ZDHHC11B: variants seen among roughly 807,000 people sequenced by gnomAD.
The protein encoded by ZDHHC11B is probable palmitoyltransferase ZDHHC11B.
A neutral mutation model predicts 42.3 loss-of-function variants in ZDHHC11B; 17 were observed. The observed-to-expected ratio is 0.40, with a 90% CI of 0.27 to 0.60. The LOEUF is 0.60. Ranked by LOEUF, ZDHHC11B falls within the 20% of genes least tolerant of loss-of-function variation. ZDHHC11B has a pLI of 0.41. For synonymous variants in ZDHHC11B, 123 were observed against 193.5 expected (o/e 0.64, Z 3.02); for missense variants, 262 against 463.2 (o/e 0.57, Z 3.99).
rs370153562 is a variant in ZDHHC11B at position 746,209 on chromosome 5, G to A, written c.785-911C>T. Among the ~76,000 whole-genome samples, 32 of 146,936 alleles carry A rather than the reference G, an allele frequency of 2.2e-4. 2 individuals carry two copies. Among genetic ancestry groups the A allele is most frequent in the East Asian group, 1.1e-3 (5 of 4,502 alleles). On this transcript the variant is annotated intron_variant, in intron 8 of 13. Coordinates refer to ENST00000508859, the MANE Select transcript of ZDHHC11B (RefSeq NM_001351303.2). ...CCTAAACACCAACACCGTGAGAGCC[G>A]ATGTCTTGTGACTATTTCTGGAGAC...
intron 1 of ZDHHC11B, among the ~76,000 whole-genome samples, chr5:773,200 GC>G (rs1736199072): frequency 1.3e-5 from 2 of 151,900 alleles, no homozygotes; most frequent in African/African-American, 4.8e-5. Flanking sequence ...CTACCTTGGC[GC>G]TCTCCACCGA....
At chr5:754,568 C>G (rs1405891989) in intron 6 of ZDHHC11B, among the ~76,000 whole-genome samples, 8 of 129,784 alleles carry the variant, frequency 6.2e-5, no homozygotes, top group East Asian at 3.3e-4. Context: ...TCAGGGGAAA[C>G]ACCTCTCATC....
Position 728,137 on chromosome 5 carries a change from A to G in ZDHHC11B, c.1058+2297T>C, listed in dbSNP as rs570179409. Among the ~76,000 whole-genome samples, 3 of 151,944 alleles carry G rather than the reference A, an allele frequency of 2.0e-5. No homozygotes were observed. In the East Asian group the frequency reaches 5.8e-4, roughly 29 times the overall value. ...GCTAATTCATACAAGAGGAACTGTG[A>G]AACAGTAAAAAAGAGAATGACAATG... is the stretch of plus-strand genomic sequence containing the variant. On this transcript the variant is annotated intron_variant, in intron 12 of 13. Transcript: ENST00000508859.
rs1196291160 is a variant in ZDHHC11B at position 777,988 on chromosome 5, C to T, written c.-230+6680G>A. ...CCCAGCAGGGAGGCGGCTGAGGCCC[C>T]GCGAGAATTTGAGCATGGCGCAGGC... On this transcript the variant is annotated intron_variant, in intron 1 of 13. Transcript: ENST00000508859. Among the ~76,000 whole-genome samples the T allele has an allele frequency of 2.6e-5, 4 of 151,994 alleles. No homozygotes were observed. The East Asian group carries it at 5.8e-4, about 22-fold the overall frequency.
chr5:716,377 A>G (rs528154147), intron 13 of ZDHHC11B, among the ~76,000 whole-genome samples: 14 of 151,852 alleles, frequency 9.2e-5, no homozygotes, highest in African/African-American at 3.4e-4. Context: ...ACTGCATTCT[A>G]TGGATCGTCC....
chr5:731,898 T>C (rs1377825905), intron 11 of ZDHHC11B: 1 of 152,334 alleles, frequency 6.6e-6, no homozygotes, highest in African/African-American at 2.4e-5. Flanking sequence ...GTGTTTGGCA[T>C]GTGGTTATGC....
intron 4 of ZDHHC11B, among the ~76,000 whole-genome samples, chr5:762,918 TGAA>T (rs1341138151): frequency 6.6e-6 from 1 of 151,488 alleles, no homozygotes; most frequent in Non-Finnish European, 1.5e-5. Context: ...GGAAGACTGA[TGAA>T]GAAGAGGTAG....
chr5:722,241 T>A (rs1320368101), intron 12 of ZDHHC11B, among the ~76,000 whole-genome samples: 10 of 151,880 alleles, frequency 6.6e-5, no homozygotes, highest in Non-Finnish European at 8.8e-5. Flanking sequence ...GTTTCTAGAA[T>A]GGTATATTAA....
At chr5:738,864 G>C (rs1160376440) in intron 10 of ZDHHC11B, among the ~76,000 whole-genome samples, 1 of 150,848 alleles carries the variant, frequency 6.6e-6, no homozygotes, top group Non-Finnish European at 1.5e-5. Context: ...TCTAGGCATT[G>C]ACTTCAGCAA....
chr5:783,538 C>T (rs1254563391), intron 1 of ZDHHC11B, among the ~76,000 whole-genome samples: 3 of 152,248 alleles, frequency 2.0e-5, no homozygotes, highest in Non-Finnish European at 2.9e-5. Context: ...CCCCCAGGGG[C>T]CCTGCACGCA....
chr5:777,880 G>C (rs985982408), intron 1 of ZDHHC11B, among the ~76,000 whole-genome samples: 2 of 151,522 alleles, frequency 1.3e-5, no homozygotes, highest in African/African-American at 4.9e-5. Flanking sequence ...GCGCCCTTCC[G>C]GGAGGCCCCA....
intron 12 of ZDHHC11B, among the ~76,000 whole-genome samples, chr5:719,979 C>T (rs1174559826): frequency 1.3e-5 from 2 of 151,704 alleles, no homozygotes; most frequent in Non-Finnish European, 2.9e-5. Context: ...ACACTATCTG[C>T]CCATTAATGT....
Position 764,375 on chromosome 5 carries a change from G to A in ZDHHC11B, c.222+2323C>T, listed in dbSNP as rs551036878. On this transcript the variant is annotated intron_variant, in intron 4 of 13. Transcript: ENST00000508859. ...CAGAGCCGGCTCCCTCGGCTTGTGG[G>A]GAGGTATGAAGGGAGAGGCACAGGC... Among the ~76,000 whole-genome samples the A allele has an allele frequency of 3.3e-4, 50 of 149,944 alleles. No individual in the cohort carries two copies. The South Asian group carries it at 4.7e-3, about 14-fold the overall frequency.
rs1452323051 is a variant in ZDHHC11B, at chr5:716,651, G to A, written c.*7+150C>T. 6.9e-4 allele frequency: 654 copies of A among 945,536 alleles called. 7 individuals carry two copies. The highest frequency in any genetic ancestry group is 8.9e-4 in the Non-Finnish European group (548 of 617,828). 58.6% of individuals were successfully genotyped at this position (945,536 alleles called of 1,614,324 possible). ...TTCTAAAGATGGACACACGGTTCCT[G>A]TTCTGGGGTTACTGTTGACATCAAG... On this transcript the variant is annotated intron_variant, in intron 13 of 13. Coordinates refer to ENST00000508859, the MANE Select transcript of ZDHHC11B (RefSeq NM_001351303.2).
chr5:718,289 G>A lies in ZDHHC11B; in HGVS notation c.1059-1424C>T, dbSNP rs866248651. Among the ~76,000 whole-genome samples, 37 of 151,758 alleles carry A rather than the reference G, an allele frequency of 2.4e-4. 1 individual carries two copies. Among genetic ancestry groups the A allele is most frequent in the African/African-American group, 8.7e-4 (36 of 41,232 alleles). On this transcript the variant is annotated intron_variant, in intron 12 of 13. Transcript: ENST00000508859. ...AGCTATAGAGCCTGGTCCTTCCACTGAAACAACCATTGAGCTATAAAGAGC... is the reference window on the plus strand; with the variant it reads ...AGCTATAGAGCCTGGTCCTTCCACTAAAACAACCATTGAGCTATAAAGAGC...
intron 4 of ZDHHC11B, among the ~76,000 whole-genome samples, chr5:758,504 T>C (rs561683815): frequency 2.0e-3 from 308 of 151,826 alleles, no homozygotes; most frequent in South Asian, 5.9e-3. Context: ...CCGGGACCCA[T>C]TGACTTCCCT....
chr5:710,729 C>G lies in ZDHHC11B; in HGVS notation c.*1561G>C, dbSNP rs1012206416. On this transcript the variant is annotated 3_prime_UTR_variant, in exon 14 of 14. Coordinates refer to ENST00000508859, the MANE Select transcript of ZDHHC11B (RefSeq NM_001351303.2). ...TGAGCTTCCATTTCCCAGTACTGTG[C>G]TCCCATTTCCCAATGCTATGCTCCA... 6.5e-6 allele frequency: 1 copy of G among 154,188 alleles called. No homozygotes were observed. The highest frequency in any genetic ancestry group is 1.5e-5 in the Non-Finnish European group (1 of 68,708). The allele number at this position is 154,188 out of a possible 1,614,324, so 9.6% of individuals were successfully genotyped here. A position where few individuals can be genotyped will look rare whatever the true frequency, so the allele number is the denominator to read the frequency against.
chr5:746,576 C>T lies in ZDHHC11B; in HGVS notation c.785-1278G>A, dbSNP rs1744854212. Among the ~76,000 whole-genome samples, 2 of 145,606 alleles carry T rather than the reference C, an allele frequency of 1.4e-5. 1 individual carries two copies. The highest frequency in any genetic ancestry group is 1.4e-4 in the Admixed American group (2 of 13,924). The stretch of plus-strand genomic sequence containing the variant: ...GCAGTGCCTGGCTCAGAGGACAGAC[C>T]AGGTCATCCCTCCCAGCCCCGCATG... On this transcript the variant is annotated intron_variant, in intron 8 of 13. Coordinates refer to ENST00000508859, the MANE Select transcript of ZDHHC11B (RefSeq NM_001351303.2).
intron 12 of ZDHHC11B, among the ~76,000 whole-genome samples, chr5:721,027 C>T (rs1275574176): frequency 1.3e-5 from 2 of 151,738 alleles, no homozygotes; most frequent in Non-Finnish European, 2.9e-5. Flanking sequence ...GGAAAGATTG[C>T]TTGAGCCCAG....
Sources: gnomAD v4.1 joint callset for allele counts (sites outside exome capture counted in the v4.1 genomes callset) on GRCh38, gnomAD v4.1.1 for gene constraint, MANE v1.5 for transcripts, NCBI Gene and HGNC (gene_info 2026-07-23, HGNC 2026-07-21) for gene names.